The following ASH2L variants were observed in gnomAD, a reference collection of about 807,000 sequenced individuals.
ASH2L encodes the protein ASH2 like, histone lysine methyltransferase complex subunit.
ASH2L carries 30 observed loss-of-function variants against 81.1 expected under a neutral mutation model. That is an observed-to-expected ratio of 0.37 (90% CI 0.28 to 0.50). The LOEUF is 0.50. Among genes scored for constraint, ASH2L ranks in the 20% least tolerant of loss-of-function variants. The pLI, the probability that ASH2L is intolerant of heterozygous loss-of-function variation, is 0.95. For missense variants in ASH2L, 559 were observed against 792.1 expected, an observed-to-expected ratio of 0.71 and a Z score of 3.53; for synonymous variants, 273 against 279.9, an observed-to-expected ratio of 0.98 and a Z score of 0.24.
chr8:38,114,257 G>C lies in ASH2L; in HGVS notation c.651G>C (p.Met217Ile). Residue 217 changes from methionine to isoleucine, a missense_variant, in exon 6 of 16, where the codon ATG becomes ATC. Physicochemically the swap from Met to Ile is conservative, Grantham distance 10. This residue lies in a region of ASH2L where 318 missense variants were observed against 527.0 expected (regional missense o/e 0.60). Transcript: ENST00000343823. Reference sequence around the variant, plus strand: ...CAACCAGACAGAGACCTGGGAAAATGACTTGGCCAAATAACATTGTTAAAA... The same window carrying C: ...CAACCAGACAGAGACCTGGGAAAATCACTTGGCCAAATAACATTGTTAAAA... ...CMTTRQRPGKMTWPNNIVKTM... is the reference protein window; with the variant it reads ...CMTTRQRPGKITWPNNIVKTM... 6.2e-7 allele frequency: 1 copy of C among 1,607,402 alleles called. No individual in the cohort carries two copies. The highest frequency in any genetic ancestry group is 8.5e-7 in the Non-Finnish European group (1 of 1,176,746).
At chr8:38,121,880 T>TA (rs1216881308) in intron 10 of ASH2L, among the ~76,000 whole-genome samples, 4 of 152,294 alleles carry the variant, frequency 2.6e-5, no homozygotes, top group African/African-American at 9.6e-5. Flanking sequence ...TTCTCCACTG[T>TA]AAAAAACTAC....
chr8:38,132,037 C>T (rs1802081366), intron 12 of ASH2L, among the ~76,000 whole-genome samples: 1 of 152,084 alleles, frequency 6.6e-6, no homozygotes, highest in Admixed American at 6.6e-5. Flanking sequence ...TTAGTAGAGA[C>T]GGGGTTGCGC....
intron 12 of ASH2L, among the ~76,000 whole-genome samples, chr8:38,132,939 A>C (rs947501522): frequency 3.3e-5 from 5 of 152,134 alleles, no homozygotes; most frequent in African/African-American, 1.2e-4. Context: ...TCTACTAAAA[A>C]TACAAAAAAT....
At chr8:38,130,605 T>A (rs1802020346) in intron 12 of ASH2L, among the ~76,000 whole-genome samples, 1 of 152,056 alleles carries the variant, frequency 6.6e-6, no homozygotes, top group Non-Finnish European at 1.5e-5. Flanking sequence ...TGGATTAATT[T>A]TTTTTTTTCT....
chr8:38,111,057 C>T (rs1423927691), intron 5 of ASH2L, among the ~76,000 whole-genome samples: 1 of 152,176 alleles, frequency 6.6e-6, no homozygotes, highest in South Asian at 2.1e-4. Flanking sequence ...GCCTCCGCTT[C>T]CCGAGTAGCT....
chr8:38,118,008 G>A lies in ASH2L; in HGVS notation c.854-1262G>A, dbSNP rs1025490889. ...CAGGAGGCAGAGGTTGCAGTGAGCC[G>A]AGATCGTGCCACTGCACTCCAGCTT... On this transcript the variant is annotated intron_variant, in intron 8 of 15. Coordinates refer to ENST00000343823, the MANE Select transcript of ASH2L (RefSeq NM_004674.5). 1.2e-4 allele frequency among the ~76,000 whole-genome samples: 18 copies of A among 152,280 alleles called. 1 individual carries two copies. Among genetic ancestry groups the A allele is most frequent in the Middle Eastern group, 6.8e-3 (2 of 294 alleles).
chr8:38,115,073 A>C, intron 7 of ASH2L, 73 bp downstream of exon 7: 1 of 968,124 alleles, frequency 1.0e-6, no homozygotes, highest in East Asian at 2.5e-5. Context: ...TTCTGTTTAC[A>C]TTTGTATATT....
At chr8:38,110,271 C>T (rs1207032866) in intron 3 of ASH2L, 108 bp from the exon 4 acceptor site, 2 of 822,796 alleles carry the variant, frequency 2.4e-6, no homozygotes, top group African/African-American at 1.7e-5. Flanking sequence ...ATGATTGCAC[C>T]ACTGCACTCC....
intron 8 of ASH2L, among the ~76,000 whole-genome samples, chr8:38,118,222 A>G (rs1453150569): frequency 1.3e-5 from 2 of 152,240 alleles, no homozygotes; most frequent in African/African-American, 4.8e-5. Context: ...TATGCAGAAT[A>G]TGAGCCACCT....
intron 12 of ASH2L, among the ~76,000 whole-genome samples, chr8:38,133,098 AAAG>A (rs1246534705): frequency 1.3e-5 from 2 of 152,222 alleles, no homozygotes; most frequent in African/African-American, 2.4e-5. Flanking sequence ...AAAAAAAAAA[AAAG>A]AATAAGAGAT....
chr8:38,110,404 T>C lies in ASH2L; in HGVS notation c.427T>C (p.Tyr143His). 1 of 1,614,160 alleles carries C rather than the reference T, an allele frequency of 6.2e-7. No homozygotes were observed. Among genetic ancestry groups the C allele is most frequent in the Non-Finnish European group, 8.5e-7 (1 of 1,179,994 alleles). The change falls in exon 4 of 16, where the codon TAC becomes CAC. Residue 143 changes from tyrosine to histidine, a missense_variant. This residue lies in a region of ASH2L where 318 missense variants were observed against 527.0 expected (regional missense o/e 0.60). Transcript: ENST00000343823. ...TSSCLPFMTN[Y>H]SFHCNVCHHS... ...ATCCTGTCTACCTTTCATGACCAAC[T>C]ACAGTTTTCATTGCAACGTCTGCCA... is the stretch of plus-strand genomic sequence containing the variant.
chr8:38,132,714 G>A (rs1802106767), intron 12 of ASH2L, among the ~76,000 whole-genome samples: 3 of 151,920 alleles, frequency 2.0e-5, no homozygotes, highest in Admixed American at 6.6e-5. Context: ...CAGGAGAATC[G>A]CTTGAACCTG....
rs1810428141 is a variant in ASH2L at position 38,106,303 on chromosome 8, A to G, written c.189-75A>G. 4.7e-6 allele frequency: 7 copies of G among 1,479,756 alleles called. No homozygotes were observed. The South Asian group carries it at 6.8e-5, about 14-fold the overall frequency. The allele number at this position is 1,479,756 out of a possible 1,614,324, so 91.7% of individuals were successfully genotyped here. A position where few individuals can be genotyped will look rare whatever the true frequency, so the allele number is the denominator to read the frequency against. ...GAGTATGAAGTTCGGCTGTAATTTG[A>G]TCATCATTTTTGGGAATAGGCATTT... On this transcript the variant is annotated intron_variant, in intron 1 of 15. Transcript: ENST00000343823.
At chr8:38,121,202 C>T in intron 10 of ASH2L, 53 bp downstream of exon 10, 1 of 1,506,824 alleles carries the variant, frequency 6.6e-7, no homozygotes, top group Non-Finnish European at 9.2e-7. Context: ...GAACTGCCAT[C>T]ATTAGCCTTG....
At position 38,109,268 on chromosome 8, in the gene ASH2L, T is replaced by C. The variant is rs1223995176; in HGVS notation, c.402-1111T>C. ...GTCTTTGTAAATAAGCTTATCACAATAGTCTGTTAAACAGAAGAGGTTCTA... is the reference window on the plus strand; with the variant it reads ...GTCTTTGTAAATAAGCTTATCACAACAGTCTGTTAAACAGAAGAGGTTCTA... On this transcript the variant is annotated intron_variant, in intron 3 of 15. Coordinates refer to ENST00000343823, the MANE Select transcript of ASH2L (RefSeq NM_004674.5). 2.0e-5 allele frequency among the ~76,000 whole-genome samples: 3 copies of C among 152,318 alleles called. No homozygotes were observed. In the East Asian group the frequency reaches 5.8e-4, roughly 29 times the overall value.
intron 10 of ASH2L, among the ~76,000 whole-genome samples, chr8:38,127,102 T>C (rs184806086): frequency 6.4e-4 from 96 of 149,740 alleles, no homozygotes; most frequent in Admixed American, 1.1e-3. Context: ...ATCAAGGCTG[T>C]AGTGAGTCAA....
intron 12 of ASH2L, 127 bp downstream of exon 12, chr8:38,129,078 G>A: frequency 7.4e-7 from 1 of 1,348,696 alleles, no homozygotes; most frequent in Non-Finnish European, 1.0e-6. Flanking sequence ...CTGTTGCTAT[G>A]ACATTTTCAG....
chr8:38,133,233 T>C (rs1802128560), intron 12 of ASH2L, among the ~76,000 whole-genome samples: 1 of 152,236 alleles, frequency 6.6e-6, no homozygotes, highest in Non-Finnish European at 1.5e-5. Flanking sequence ...TTCTCACGTT[T>C]CTTACTAAAG....
chr8:38,112,026 C>T (rs1358805041), intron 5 of ASH2L, among the ~76,000 whole-genome samples: 1 of 152,088 alleles, frequency 6.6e-6, no homozygotes, highest in East Asian at 1.9e-4. Context: ...TTCCTTTATT[C>T]AGTTGGGTTT....
Sources: gnomAD v4.1 joint callset for allele counts (sites outside exome capture counted in the v4.1 genomes callset) on GRCh38, gnomAD v4.1.1 for gene constraint, gnomAD v4.1.1 regional missense constraint, MANE v1.5 for transcripts, NCBI Gene and HGNC (gene_info 2026-07-23, HGNC 2026-07-21) for gene names.